PCNX2: variants seen among roughly 807,000 people sequenced by gnomAD.
PCNX2 encodes pecanex 2, also known as pecanex-like protein 2.
Under a neutral mutation model 223.8 loss-of-function variants are expected in PCNX2, and 168 were observed. The observed-to-expected ratio is 0.75, with a 90% CI of 0.66 to 0.85. The LOEUF is 0.85. Ranked by LOEUF, PCNX2 falls within the 40% of genes least tolerant of loss-of-function variation. The pLI is 0.00. For synonymous variants in PCNX2, 1,006 were observed against 1,052.6 expected (o/e 0.96, Z 0.86); for missense variants, 2,507 against 2,675.5 (o/e 0.94, Z 1.39).
intron 19 of PCNX2, among the ~76,000 whole-genome samples, chr1:233,143,634 C>A (rs947334464): frequency 9.2e-5 from 14 of 152,182 alleles, no homozygotes; most frequent in Non-Finnish European, 1.8e-4. Context: ...GTTTGAGAAC[C>A]ATTTTCTGGA....
At chr1:233,171,380 G>A (rs1368428435) in intron 17 of PCNX2, among the ~76,000 whole-genome samples, 3 of 151,104 alleles carry the variant, frequency 2.0e-5, no homozygotes, top group Non-Finnish European at 2.9e-5. Flanking sequence ...AGAATTACAT[G>A]TAATGAGGGT....
chr1:233,215,300 G>T (rs992127080), intron 12 of PCNX2, among the ~76,000 whole-genome samples: 5 of 152,188 alleles, frequency 3.3e-5, no homozygotes, highest in Non-Finnish European at 7.3e-5. Flanking sequence ...AAGTACTGGA[G>T]AAATGCCAAC....
Position 233,177,680 on chromosome 1 carries a change from C to T in PCNX2, c.3273+122G>A, listed in dbSNP as rs1020233110. Reference sequence around the variant, plus strand: ...ACAGCCCAGTGTGCCAGGTACCAAGCGAGGTGTATCTTTCTGTCCTAGTCC... The same window carrying T: ...ACAGCCCAGTGTGCCAGGTACCAAGTGAGGTGTATCTTTCTGTCCTAGTCC... On this transcript the variant is annotated intron_variant, in intron 17 of 33. Coordinates refer to ENST00000258229, the MANE Select transcript of PCNX2 (RefSeq NM_014801.4). 17 of 772,542 alleles carry T rather than the reference C, an allele frequency of 2.2e-5. No homozygotes were observed. The East Asian group carries it at 2.5e-4, about 11-fold the overall frequency. The allele number at this position is 772,542 out of a possible 1,614,324, so 47.9% of individuals were successfully genotyped here.
chr1:233,047,219 T>C (rs1423319572), intron 25 of PCNX2: 2 of 285,916 alleles, frequency 7.0e-6, no homozygotes, highest in South Asian at 1.3e-4. Flanking sequence ...AATACAGCAT[T>C]GCTATCCTAA....
intron 17 of PCNX2, among the ~76,000 whole-genome samples, chr1:233,169,320 T>C (rs1233092141): frequency 6.6e-6 from 1 of 152,176 alleles, no homozygotes; most frequent in East Asian, 1.9e-4. Flanking sequence ...TTTTATTTAA[T>C]ATATTTTTTG....
At chr1:233,103,099 AT>A (rs1674583977) in intron 21 of PCNX2, among the ~76,000 whole-genome samples, 1 of 152,120 alleles carries the variant, frequency 6.6e-6, no homozygotes, top group African/African-American at 2.4e-5. Context: ...GAATATACAT[AT>A]CCAGTTTTTC....
At chr1:233,114,707 G>T (rs578019734) in intron 21 of PCNX2, among the ~76,000 whole-genome samples, 3 of 152,136 alleles carry the variant, frequency 2.0e-5, no homozygotes, top group Non-Finnish European at 4.4e-5. Context: ...AGCGACAGGC[G>T]CATCCAGAAA....
At chr1:233,252,109 T>C (rs1659486538) in intron 7 of PCNX2, among the ~76,000 whole-genome samples, 1 of 152,144 alleles carries the variant, frequency 6.6e-6, no homozygotes, top group Non-Finnish European at 1.5e-5. Flanking sequence ...AGGAGAGGTG[T>C]CCCTGAAAAA....
intron 15 of PCNX2, among the ~76,000 whole-genome samples, chr1:233,194,162 A>G (rs975688674): frequency 6.6e-6 from 1 of 152,176 alleles, no homozygotes. Context: ...AGAAAAAAGA[A>G]ACGTTACTAA....
At chr1:233,234,869 C>A (rs532435493) in intron 9 of PCNX2, among the ~76,000 whole-genome samples, 24 of 152,218 alleles carry the variant, frequency 1.6e-4, no homozygotes, top group African/African-American at 5.8e-4. Flanking sequence ...CATACTAGGG[C>A]TGTGGTGAGA....
intron 15 of PCNX2, among the ~76,000 whole-genome samples, chr1:233,190,918 G>A (rs1448029252): frequency 6.6e-6 from 1 of 152,124 alleles, no homozygotes; most frequent in Non-Finnish European, 1.5e-5. Flanking sequence ...ATATCTCCTG[G>A]GCAGCCCGAG....
intron 10 of PCNX2, among the ~76,000 whole-genome samples, chr1:233,223,552 G>A (rs1389284608): frequency 2.6e-5 from 4 of 152,058 alleles, no homozygotes; most frequent in South Asian, 2.1e-4. Flanking sequence ...CCATCAACCC[G>A]TCATCTAGGT....
At chr1:233,208,295 C>T (rs527791160) in intron 13 of PCNX2, among the ~76,000 whole-genome samples, 1 of 152,328 alleles carries the variant, frequency 6.6e-6, no homozygotes, top group East Asian at 1.9e-4. Context: ...TATAGTGCTG[C>T]AACTTCTTGG....
intron 28 of PCNX2, among the ~76,000 whole-genome samples, chr1:233,012,605 G>A (rs1341730233): frequency 6.6e-6 from 1 of 152,004 alleles, no homozygotes; most frequent in African/African-American, 2.4e-5. Flanking sequence ...CATTGAGTAT[G>A]AGAAACTATC....
chr1:233,179,255 C>G, intron 15 of PCNX2, 80 bp from the exon 16 acceptor site: 2 of 1,410,656 alleles, frequency 1.4e-6, no homozygotes, highest in Non-Finnish European at 2.0e-6. Flanking sequence ...TTAGAAATAT[C>G]CCCAAGGTCC....
intron 23 of PCNX2, among the ~76,000 whole-genome samples, chr1:233,080,866 G>A (rs574292191): frequency 1.3e-5 from 2 of 152,296 alleles, no homozygotes; most frequent in Non-Finnish European, 2.9e-5. Flanking sequence ...TTTCATTTGT[G>A]TATCCATCTG....
intron 4 of PCNX2, 74 bp downstream of exon 4, chr1:233,261,211 T>C: frequency 7.4e-7 from 1 of 1,342,342 alleles, no homozygotes; most frequent in East Asian, 2.3e-5. Context: ...TCCACTGGCA[T>C]TCTGTTTTAT....
chr1:233,270,563 T>A (rs1053509468), intron 1 of PCNX2, among the ~76,000 whole-genome samples: 7 of 152,082 alleles, frequency 4.6e-5, no homozygotes, highest in African/African-American at 1.7e-4. Context: ...AATGATGAGG[T>A]AGATGGAATC....
At chr1:233,207,775 CAG>C (rs1681564440) in intron 13 of PCNX2, among the ~76,000 whole-genome samples, 1 of 152,090 alleles carries the variant, frequency 6.6e-6, no homozygotes, top group Non-Finnish European at 1.5e-5. Context: ...CTTGTTTAAA[CAG>C]AGCGTTTTAT....
Sources: allele counts gnomAD v4.1 joint callset (sites outside exome capture counted in the v4.1 genomes callset), GRCh38; gene constraint gnomAD v4.1.1; transcripts MANE v1.5; gene names NCBI Gene and HGNC (gene_info 2026-07-23, HGNC 2026-07-21).